ANKHD1: variants seen among roughly 807,000 people sequenced by gnomAD.
ANKHD1 encodes the protein ankyrin repeat and KH domain-containing protein 1.
A neutral mutation model predicts 230.5 loss-of-function variants in ANKHD1; 31 were observed. That is an observed-to-expected ratio of 0.13 (90% CI 0.10 to 0.18). ANKHD1 has a LOEUF of 0.18. ANKHD1 is among the 10% of genes least tolerant of loss of function. ANKHD1 has a pLI of 1.00. For missense variants in ANKHD1, 2,256 were observed against 3,071.3 expected, an observed-to-expected ratio of 0.73 and a Z score of 6.27; for synonymous variants, 1,074 against 1,117.6, an observed-to-expected ratio of 0.96 and a Z score of 0.78.
chr5:140,443,645 C>G (rs1774041665), intron 5 of ANKHD1, among the ~76,000 whole-genome samples: 1 of 149,438 alleles, frequency 6.7e-6, no homozygotes, highest in Non-Finnish European at 1.5e-5. Flanking sequence ...GAGCCGAGAT[C>G]GTGTCGCCTG....
chr5:140,458,330 A>G (rs1775376159), intron 7 of ANKHD1, among the ~76,000 whole-genome samples: 1 of 152,216 alleles, frequency 6.6e-6, no homozygotes, highest in African/African-American at 2.4e-5. Context: ...CAAAAAATGG[A>G]AATTTAAAAT....
Position 140,537,886 on chromosome 5 carries a change from T to C in ANKHD1, c.7229-200T>C, listed in dbSNP as rs532983977. On this transcript the variant is annotated intron_variant, in intron 31 of 33. Coordinates refer to ENST00000360839, the MANE Select transcript of ANKHD1 (RefSeq NM_017747.3). ...GTACTTAATCTTTTAAAAGACAGGG[T>C]AAAGTGGAGTATTCAGAGGACTTTA... Among the ~76,000 whole-genome samples the C allele has an allele frequency of 1.1e-4, 16 of 152,234 alleles. No homozygotes were observed. The South Asian group carries it at 3.1e-3, about 30-fold the overall frequency.
At position 140,487,036 on chromosome 5, in the gene ANKHD1, C is replaced by T. The variant is rs1249616458; in HGVS notation, c.2221C>T (p.Pro741Ser). 5 of 1,613,054 alleles carry T rather than the reference C, an allele frequency of 3.1e-6. No homozygotes were observed. Among genetic ancestry groups the T allele is most frequent in the African/African-American group, 1.3e-5 (1 of 74,852 alleles). ...TGACAGAACTTCACAGGAGAACTCT[C>T]CTGCCCTTTTAGGAGTGCAAAAAGG... Reference protein sequence around the residue: ...EPDRTSQENSPALLGVQKGTS... With the variant: ...EPDRTSQENSSALLGVQKGTS... Residue 741 changes from proline to serine, a missense_variant, in exon 14 of 34, where the codon CCT (proline) becomes TCT (serine). This residue lies in a region of ANKHD1 where 358 missense variants were observed against 397.7 expected (regional missense o/e 0.90). Transcript: ENST00000360839.
intron 10 of ANKHD1, among the ~76,000 whole-genome samples, chr5:140,472,958 C>G (rs1254013387): frequency 6.6e-6 from 1 of 151,060 alleles, no homozygotes; most frequent in South Asian, 2.1e-4. Flanking sequence ...AAATCAGGAG[C>G]AGTTTTTAAT....
chr5:140,421,769 A>T (rs917289426), intron 1 of ANKHD1, among the ~76,000 whole-genome samples: 1 of 152,188 alleles, frequency 6.6e-6, no homozygotes, highest in African/African-American at 2.4e-5. Context: ...AAGAGTCTGT[A>T]CTATATTTTG....
At chr5:140,513,561 C>T (rs1245712343) in intron 24 of ANKHD1, 82 bp downstream of exon 24, 2 of 1,426,796 alleles carry the variant, frequency 1.4e-6, no homozygotes, top group African/African-American at 1.4e-5. Flanking sequence ...ATGATCCCAG[C>T]ACTTCAGAAG....
rs756927258 is a variant in ANKHD1 at position 140,401,943 on chromosome 5, C to T, written c.-25C>T. 1.7e-5 allele frequency: 26 copies of T among 1,556,552 alleles called. 1 individual carries two copies. The South Asian group carries it at 2.9e-4, about 18-fold the overall frequency. The stretch of plus-strand genomic sequence containing the variant: ...GGCGGTGACCGCGAGTGGGTCGGCA[C>T]CGTCTCCGGCTCCGGGTGCGAACAA... On this transcript the variant is annotated 5_prime_UTR_variant, in exon 1 of 34. Transcript: ENST00000360839.
intron 22 of ANKHD1, 130 bp downstream of exon 22, chr5:140,510,311 T>TTTC: frequency 6.9e-6 from 5 of 726,974 alleles, no homozygotes; most frequent in Admixed American, 9.9e-5. Flanking sequence ...TTTCCATTCT[T>TTTC]TTTTTTTTTT....
intron 1 of ANKHD1, among the ~76,000 whole-genome samples, chr5:140,406,531 T>C (rs1371566409): frequency 2.6e-5 from 4 of 152,008 alleles, no homozygotes; most frequent in African/African-American, 9.6e-5. Context: ...GACCTTTTGG[T>C]TAGAGGAATG....
chr5:140,435,483 C>A (rs1773370025), intron 1 of ANKHD1, among the ~76,000 whole-genome samples: 1 of 151,412 alleles, frequency 6.6e-6, no homozygotes, highest in Non-Finnish European at 1.5e-5. Flanking sequence ...TGGGTTCAAG[C>A]AATTCTGCCT....
At chr5:140,523,418 TTGA>T (rs1753452754) in intron 24 of ANKHD1, among the ~76,000 whole-genome samples, 15 of 152,096 alleles carry the variant, frequency 9.9e-5, no homozygotes, top group Admixed American at 9.8e-4. Flanking sequence ...TGCATATAAC[TTGA>T]TGTTTTCATA....
intron 22 of ANKHD1, 144 bp downstream of exon 22, chr5:140,510,325 T>TTTG (rs1752706909): frequency 3.9e-6 from 5 of 1,276,794 alleles, no homozygotes; most frequent in Non-Finnish European, 5.1e-6. Flanking sequence ...TTTTTTTTTT[T>TTTG]TTTTTGAGAC....
chr5:140,495,090 T>C (rs932729728), intron 14 of ANKHD1, among the ~76,000 whole-genome samples: 2 of 152,192 alleles, frequency 1.3e-5, no homozygotes, highest in Admixed American at 1.3e-4. Flanking sequence ...TCCCTGTCTC[T>C]ATAGATTTGC....
chr5:140,514,418 C>T (rs899381680), intron 24 of ANKHD1, among the ~76,000 whole-genome samples: 3 of 151,878 alleles, frequency 2.0e-5, no homozygotes, highest in African/African-American at 4.8e-5. Context: ...GGCCTGAGCC[C>T]AGGAGGCAGA....
At chr5:140,428,806 G>A (rs966306772) in intron 1 of ANKHD1, among the ~76,000 whole-genome samples, 1 of 151,150 alleles carries the variant, frequency 6.6e-6, no homozygotes, top group African/African-American at 2.4e-5. Flanking sequence ...TTATTGAGAC[G>A]GAGTCTTGCT....
intron 20 of ANKHD1, among the ~76,000 whole-genome samples, chr5:140,509,265 G>A (rs571861943): frequency 5.2e-4 from 79 of 152,246 alleles, no homozygotes; most frequent in African/African-American, 1.8e-3. Flanking sequence ...GGAGACTAAC[G>A]TACCAAAGGC....
intron 7 of ANKHD1, among the ~76,000 whole-genome samples, chr5:140,458,327 T>C (rs538668553): frequency 2.8e-4 from 42 of 152,296 alleles, no homozygotes; most frequent in Non-Finnish European, 4.6e-4. Context: ...CTTCAAAAAA[T>C]GGAAATTTAA....
At chr5:140,411,307 A>G (rs1237103824) in intron 1 of ANKHD1, among the ~76,000 whole-genome samples, 1 of 152,226 alleles carries the variant, frequency 6.6e-6, no homozygotes, top group African/African-American at 2.4e-5. Flanking sequence ...TGACTTGCCC[A>G]GATCACACAG....
intron 5 of ANKHD1, among the ~76,000 whole-genome samples, chr5:140,443,365 C>A (rs562235506): frequency 6.6e-6 from 1 of 152,078 alleles, no homozygotes; most frequent in East Asian, 1.9e-4. Context: ...TGGTTAACAG[C>A]ATTATGCTAT....
Sources: allele counts gnomAD v4.1 joint callset (sites outside exome capture counted in the v4.1 genomes callset), GRCh38; gene constraint gnomAD v4.1.1; regional missense constraint gnomAD v4.1.1; transcripts MANE v1.5; gene names NCBI Gene and HGNC (gene_info 2026-07-23, HGNC 2026-07-21).